RNF38: variants seen among roughly 807,000 people sequenced by gnomAD.
RNF38 encodes the protein ring finger protein 38, also known as E3 ubiquitin-protein ligase RNF38.
Under a neutral mutation model 67.2 loss-of-function variants are expected in RNF38, and 15 were observed. That is an observed-to-expected ratio of 0.22 (90% CI 0.15 to 0.34). The LOEUF (loss-of-function observed/expected upper bound fraction) is 0.34, where lower values mean the gene tolerates loss of function less well. Ranked by LOEUF, RNF38 falls within the 10% of genes least tolerant of loss-of-function variation. RNF38 has a pLI of 1.00. For missense variants in RNF38, 524 were observed against 639.9 expected, an observed-to-expected ratio of 0.82 and a Z score of 1.95; for synonymous variants, 220 against 218.8, an observed-to-expected ratio of 1.01 and a Z score of -0.05.
chr9:36,352,157 G>A (rs992296233), intron 8 of RNF38, among the ~76,000 whole-genome samples: 1 of 152,058 alleles, frequency 6.6e-6, no homozygotes, highest in African/African-American at 2.4e-5. Flanking sequence ...AAAATTAGCT[G>A]GGCATGGTGG....
chr9:36,400,189 C>A lies in RNF38; in HGVS notation c.-81G>T. 1 of 1,571,980 alleles carries A rather than the reference C, an allele frequency of 6.4e-7. No individual in the cohort carries two copies. The highest frequency in any genetic ancestry group is 1.2e-5 in the South Asian group (1 of 86,522). On this transcript the variant is annotated 5_prime_UTR_variant, in exon 1 of 12. Transcript: ENST00000259605. The stretch of plus-strand genomic sequence containing the variant: ...CCGTTTCAAAAACCAACCTCTCTCA[C>A]GCTTCAACCCTGAAAGGAAGAACTT...
chr9:36,365,780 C>T (rs536020289), intron 4 of RNF38, among the ~76,000 whole-genome samples: 1 of 148,588 alleles, frequency 6.7e-6, no homozygotes, highest in South Asian at 2.2e-4. Flanking sequence ...ATTCTCCTGC[C>T]TCAGCCTCTC....
At chr9:36,449,802 G>A (rs948980216) in intron 1 of RNF38, among the ~76,000 whole-genome samples, 3 of 152,162 alleles carry the variant, frequency 2.0e-5, no homozygotes, top group African/African-American at 7.2e-5. Context: ...AGAAGCAGGG[G>A]AAGTTGCTCA....
At chr9:36,366,983 G>A (rs1046661779) in intron 4 of RNF38, among the ~76,000 whole-genome samples, 1 of 152,162 alleles carries the variant, frequency 6.6e-6, no homozygotes, top group Non-Finnish European at 1.5e-5. Context: ...AGAGTGATGT[G>A]AATTTGGGCT....
chr9:36,413,693 A>ATTTT (rs1838388922), intron 2 of RNF38, among the ~76,000 whole-genome samples: 1 of 57,988 alleles, frequency 1.7e-5, no homozygotes, highest in Non-Finnish European at 3.4e-5. Context: ...GTCTATTCCT[A>ATTTT]GTTTTGTTTG....
At chr9:36,477,842 A>AAAG (rs1195134582) in intron 1 of RNF38, among the ~76,000 whole-genome samples, 1 of 151,060 alleles carries the variant, frequency 6.6e-6, no homozygotes, top group East Asian at 1.9e-4. Flanking sequence ...AAAAAGAAAG[A>AAAG]AAAAAGGATA....
Position 36,400,091 on chromosome 9 carries a change from C to T in RNF38, c.12+6G>A, listed in dbSNP as rs1172972606. 1.9e-6 allele frequency: 3 copies of T among 1,611,972 alleles called. No individual in the cohort carries two copies. The East Asian group carries it at 6.7e-5, about 36-fold the overall frequency. On this transcript the variant is annotated splice_donor_region_variant and intron_variant, in intron 1 of 11. Coordinates refer to ENST00000259605, the MANE Select transcript of RNF38 (RefSeq NM_022781.5). ...CATTTTTGCAACACAAAGAAAAATA[C>T]TTTACCTTACAAGCCATACAGACGT... is the stretch of plus-strand genomic sequence containing the variant.
chr9:36,377,694 C>G (rs1835887661), intron 2 of RNF38, among the ~76,000 whole-genome samples: 3 of 152,256 alleles, frequency 2.0e-5, no homozygotes, highest in South Asian at 4.2e-4. Flanking sequence ...TTAAGACGCT[C>G]AGGTTCCTGA....
chr9:36,422,732 C>A (rs1483988383), intron 2 of RNF38, among the ~76,000 whole-genome samples: 1 of 152,238 alleles, frequency 6.6e-6, no homozygotes, highest in Non-Finnish European at 1.5e-5. Context: ...CTTTACCCTG[C>A]TGATCTCCTG....
intron 2 of RNF38, among the ~76,000 whole-genome samples, chr9:36,420,532 C>CAAAAAAAAAAAACAAAAAAAA (rs1838595969): frequency 1.4e-5 from 1 of 73,408 alleles, no homozygotes; most frequent in Non-Finnish European, 3.2e-5. Context: ...ACTCTGTCTC[C>CAAAAAAAAAAAACAAAAAAAA]AAAAAAAAAA....
rs144158207 is a variant in RNF38, at chr9:36,441,487, G to A, written n.242-16804C>T. Among the ~76,000 whole-genome samples, 271 of 152,046 alleles carry A rather than the reference G, an allele frequency of 1.8e-3. 4 individuals carry two copies. Among genetic ancestry groups the A allele is most frequent in the Middle Eastern group, 0.01 (3 of 294 alleles). ...GATTACAGGCACGCGCCACCATGCC[G>A]GCTAATTTTTCTATTTTTAGTAGAG... On this transcript the variant is annotated intron_variant and non_coding_transcript_variant, in intron 1 of 3. Coordinates refer to the RNF38 transcript ENST00000488058.
chr9:36,397,609 A>G (rs1837638973), intron 1 of RNF38, among the ~76,000 whole-genome samples: 1 of 152,148 alleles, frequency 6.6e-6, no homozygotes, highest in Non-Finnish European at 1.5e-5. Context: ...GGGTGTGTGA[A>G]AACAGCCTAA....
intron 1 of RNF38, among the ~76,000 whole-genome samples, chr9:36,444,652 T>G (rs1005729592): frequency 1.3e-5 from 2 of 151,968 alleles, no homozygotes; most frequent in African/African-American, 4.8e-5. Context: ...ATACAAAAAT[T>G]AGCCAGAAGT....
chr9:36,346,304 C>G (rs1336834643), intron 9 of RNF38, among the ~76,000 whole-genome samples: 3 of 152,146 alleles, frequency 2.0e-5, no homozygotes, highest in Non-Finnish European at 4.4e-5. Flanking sequence ...CTCCCAGGTT[C>G]AGGCGATTCT....
At chr9:36,361,187 C>T (rs924910163) in intron 4 of RNF38, among the ~76,000 whole-genome samples, 2 of 151,844 alleles carry the variant, frequency 1.3e-5, no homozygotes, top group Non-Finnish European at 2.9e-5. Flanking sequence ...AAGAAAAATA[C>T]TTCTGTTTTA....
At chr9:36,359,907 C>T (rs1345816234) in intron 4 of RNF38, among the ~76,000 whole-genome samples, 1 of 133,370 alleles carries the variant, frequency 7.5e-6, no homozygotes. Flanking sequence ...TGCCACTACA[C>T]CTGGCTTTTT....
At chr9:36,393,182 A>C (rs1837241023) in intron 1 of RNF38, among the ~76,000 whole-genome samples, 1 of 152,158 alleles carries the variant, frequency 6.6e-6, no homozygotes, top group Non-Finnish European at 1.5e-5. Flanking sequence ...GGAAAAGACA[A>C]ATCAAGGTTA....
intron 2 of RNF38, among the ~76,000 whole-genome samples, chr9:36,410,232 C>G (rs559254903): frequency 1.4e-4 from 21 of 152,212 alleles, no homozygotes; most frequent in Non-Finnish European, 2.5e-4. Flanking sequence ...TTAGAAAATA[C>G]GGGTAAATAT....
At chr9:36,463,095 T>G (rs1405948304) in intron 1 of RNF38, among the ~76,000 whole-genome samples, 1 of 152,210 alleles carries the variant, frequency 6.6e-6, no homozygotes, top group African/African-American at 2.4e-5. Context: ...GCTTTCATTC[T>G]TTGCTTATCT....
Sources: allele counts gnomAD v4.1 joint callset (sites outside exome capture counted in the v4.1 genomes callset), GRCh38; gene constraint gnomAD v4.1.1; transcripts MANE v1.5; gene names NCBI Gene and HGNC (gene_info 2026-07-23, HGNC 2026-07-21).